Variants in ELAVL4 observed in about 807,000 individuals in gnomAD.
The protein encoded by ELAVL4 is ELAV-like protein 4.
In ELAVL4, 1 loss-of-function variant was observed where a neutral mutation model predicts 35.6. The observed-to-expected ratio is 0.03, with a 90% CI of 0.01 to 0.13. The LOEUF (loss-of-function observed/expected upper bound fraction) is 0.13. ELAVL4 is among the 10% of genes least tolerant of loss of function. The probability of loss-of-function intolerance (pLI) is 1.00; values close to 1 mark genes in which losing one functional copy is unlikely to be tolerated. For missense variants in ELAVL4, 267 were observed against 464.9 expected (o/e 0.57, Z 3.91); for synonymous variants, 156 against 171.0 (o/e 0.91, Z 0.69).
At chr1:50,191,723 G>A (rs1682689518) in intron 3 of ELAVL4, among the ~76,000 whole-genome samples, 1 of 152,198 alleles carries the variant, frequency 6.6e-6, no homozygotes, top group Non-Finnish European at 1.5e-5. Flanking sequence ...GCTGCCTAGA[G>A]AAGATGTCAT....
intron 1 of ELAVL4, among the ~76,000 whole-genome samples, chr1:50,139,736 G>A: frequency 6.6e-6 from 1 of 152,174 alleles, no homozygotes; most frequent in Non-Finnish European, 1.5e-5. Context: ...GTTTCCAAGA[G>A]CAGGAGGCTG....
intron 1 of ELAVL4, among the ~76,000 whole-genome samples, chr1:50,083,097 C>T (rs1242765742): frequency 6.6e-6 from 1 of 152,158 alleles, no homozygotes; most frequent in Non-Finnish European, 1.5e-5. Flanking sequence ...CTCACTCTCA[C>T]TCAGGCTGGA....
intron 2 of ELAVL4, among the ~76,000 whole-genome samples, chr1:50,153,056 C>G (rs765236287): frequency 1.1e-4 from 17 of 152,268 alleles, no homozygotes; most frequent in Admixed American, 4.6e-4. Context: ...CCAGGGAAAC[C>G]AGAACAAATG....
upstream of ELAVL4, among the ~76,000 whole-genome samples, chr1:50,102,304 TAA>T (rs1466756594): frequency 1.6e-5 from 2 of 126,192 alleles, no homozygotes; most frequent in South Asian, 4.9e-4. Flanking sequence ...AATAATAAAA[TAA>T]AATAAAATAA....
intron 1 of ELAVL4, among the ~76,000 whole-genome samples, chr1:50,050,218 A>G (rs553524250): frequency 1.3e-5 from 2 of 152,350 alleles, no homozygotes; most frequent in East Asian, 3.9e-4. Context: ...TGCCTGCCAT[A>G]TGGGCATTCA....
At chr1:50,166,292 T>C (rs1307934476) in intron 2 of ELAVL4, among the ~76,000 whole-genome samples, 1 of 152,046 alleles carries the variant, frequency 6.6e-6, no homozygotes, top group East Asian at 1.9e-4. Context: ...AAGCTCATGA[T>C]TACACCTAAC....
intron 1 of ELAVL4, among the ~76,000 whole-genome samples, chr1:50,071,115 C>G (rs369124169): frequency 1.3e-5 from 2 of 152,194 alleles, no homozygotes; most frequent in South Asian, 2.1e-4. Context: ...AAGGACCCCC[C>G]CTCAGAACAG....
chr1:50,054,311 A>G (rs1663547474), intron 1 of ELAVL4, among the ~76,000 whole-genome samples: 1 of 152,184 alleles, frequency 6.6e-6, no homozygotes, highest in Non-Finnish European at 1.5e-5. Context: ...TGGAAAAGGG[A>G]GGAAGGCAGG....
rs147898805 is a variant in ELAVL4 at position 50,194,001 on chromosome 1, G to A, written c.508+83G>A. The A allele has an allele frequency of 2.3e-5, 35 of 1,508,904 alleles. No homozygotes were observed. In the African/African-American group the frequency reaches 3.9e-4, roughly 17 times the overall value. 93.5% of individuals were successfully genotyped at this position (1,508,904 alleles called of 1,614,324 possible). On this transcript the variant is annotated intron_variant, in intron 4 of 6. Transcript: ENST00000371824. ...TCATAAGAGCAGAAGGCTGATGGCT[G>A]CTTAAAGCAGATGATATGGATCATG...
chr1:50,112,936 A>G (rs1464456716), intron 1 of ELAVL4, among the ~76,000 whole-genome samples: 1 of 152,122 alleles, frequency 6.6e-6, no homozygotes, highest in Non-Finnish European at 1.5e-5. Flanking sequence ...TAACAATAGA[A>G]TATTTAGAAA....
chr1:50,199,050 C>G (rs533389983), intron 6 of ELAVL4, among the ~76,000 whole-genome samples: 1 of 152,208 alleles, frequency 6.6e-6, no homozygotes, highest in African/African-American at 2.4e-5. Flanking sequence ...AGAAATGATA[C>G]AAGTTACAAA....
rs1664960534 is a variant in ELAVL4, at chr1:50,080,502, T to C, written c.18+32320T>C. ...GAATTCCATCATCATTTGATTTCTC[T>C]CAAATATATATGTGTATATATTTCT... On this transcript the variant is annotated intron_variant, in intron 1 of 6. Transcript: ENST00000448907. Among the ~76,000 whole-genome samples, 3 of 152,210 alleles carry C rather than the reference T, an allele frequency of 2.0e-5. No homozygotes were observed. In the South Asian group the frequency reaches 6.2e-4, roughly 32 times the overall value.
At chr1:50,049,221 C>T (rs1427934877) in intron 1 of ELAVL4, among the ~76,000 whole-genome samples, 1 of 152,228 alleles carries the variant, frequency 6.6e-6, no homozygotes, top group Non-Finnish European at 1.5e-5. Flanking sequence ...CCTATCCATG[C>T]CCCTTACCTA....
At chr1:50,072,858 C>T (rs1411973861) in intron 1 of ELAVL4, among the ~76,000 whole-genome samples, 1 of 152,014 alleles carries the variant, frequency 6.6e-6, no homozygotes, top group Non-Finnish European at 1.5e-5. Context: ...TCCCAAGGTA[C>T]CCCAGTTAAA....
upstream of ELAVL4, among the ~76,000 whole-genome samples, chr1:50,101,805 A>G (rs1277440279): frequency 7.2e-5 from 11 of 152,234 alleles, no homozygotes; most frequent in African/African-American, 2.4e-4. Context: ...CTTCTGTGAC[A>G]TAAAGGAAGA....
At chr1:50,062,765 AT>A (rs1664058602) in intron 1 of ELAVL4, among the ~76,000 whole-genome samples, 1 of 152,164 alleles carries the variant, frequency 6.6e-6, no homozygotes, top group Admixed American at 6.5e-5. Context: ...GCAGGTGTGG[AT>A]TTGGGATGTT....
chr1:50,138,759 C>T (rs147087400), intron 1 of ELAVL4, among the ~76,000 whole-genome samples: 1 of 152,124 alleles, frequency 6.6e-6, no homozygotes, highest in Admixed American at 6.5e-5. Context: ...AGCCACCACA[C>T]CTGGCTAATG....
chr1:50,098,624 G>A (rs1665817089), intron 1 of ELAVL4, among the ~76,000 whole-genome samples: 1 of 152,166 alleles, frequency 6.6e-6, no homozygotes, highest in Non-Finnish European at 1.5e-5. Context: ...ACTTCAAGCT[G>A]CTGTTGCTAA....
chr1:50,088,462 G>A (rs772167633), intron 1 of ELAVL4, among the ~76,000 whole-genome samples: 1 of 152,080 alleles, frequency 6.6e-6, no homozygotes, highest in Admixed American at 6.5e-5. Flanking sequence ...ACTTTTCCTC[G>A]AGCATCTCTA....
Sources: allele counts gnomAD v4.1 joint callset (sites outside exome capture counted in the v4.1 genomes callset), GRCh38; gene constraint gnomAD v4.1.1; transcripts MANE v1.5; gene names NCBI Gene and HGNC (gene_info 2026-07-23, HGNC 2026-07-21).